The following CCDC150 variants were observed in gnomAD, a reference collection of about 807,000 sequenced individuals.
The protein encoded by CCDC150 is coiled-coil domain containing 150.
CCDC150 carries 151 observed loss-of-function variants against 156.5 expected under a neutral mutation model. The ratio of observed to expected loss-of-function variants is 0.97; its 90% CI spans 0.85 to 1.10. CCDC150 has a LOEUF of 1.10. Among genes scored for constraint, CCDC150 ranks in the 50% least tolerant of loss-of-function variants. CCDC150 has a pLI of 0.00. For synonymous variants in CCDC150, 452 were observed against 429.4 expected (o/e 1.05, Z -0.65); for missense variants, 1,312 against 1,268.1 (o/e 1.03, Z -0.53).
intron 26 of CCDC150, 103 bp downstream of exon 26, chr2:196,731,048 G>A (rs767412545): frequency 2.9e-5 from 22 of 754,804 alleles, no homozygotes; most frequent in Non-Finnish European, 4.3e-5. Context: ...GTAGTTGTCA[G>A]GAATGCAACA....
chr2:196,650,354 G>A (rs1423132941), intron 2 of CCDC150, among the ~76,000 whole-genome samples: 1 of 152,142 alleles, frequency 6.6e-6, no homozygotes, highest in Non-Finnish European at 1.5e-5. Context: ...CTTGATCATG[G>A]TGAATGATCC....
chr2:196,701,253 A>AT (rs1696185515), intron 15 of CCDC150, 73 bp downstream of exon 15: 2 of 1,002,874 alleles, frequency 2.0e-6, no homozygotes, highest in Non-Finnish European at 3.0e-6. Flanking sequence ...ATATTGCTAG[A>AT]TTTTGAGAAT....
intron 13 of CCDC150, among the ~76,000 whole-genome samples, chr2:196,691,083 A>AT (rs556323553): frequency 0.025 from 3,739 of 152,028 alleles, 129 homozygotes; most frequent in African/African-American, 0.084. Context: ...AAGCTTTTCG[A>AT]TATGCTGCTG....
At chr2:196,659,423 TGTTA>T (rs1160935046) in intron 5 of CCDC150, among the ~76,000 whole-genome samples, 8 of 152,184 alleles carry the variant, frequency 5.3e-5, no homozygotes, top group African/African-American at 1.4e-4. Context: ...TAATAATTGA[TGTTA>T]GTTCAAATCT....
chr2:196,676,701 G>T lies in CCDC150; in HGVS notation c.1410G>T (p.Leu470=), dbSNP rs917992463. The change falls in exon 12 of 28, where the codon CTG becomes CTT. Residue 470 remains leucine, a synonymous_variant. Coordinates refer to ENST00000389175, the MANE Select transcript of CCDC150 (RefSeq NM_001080539.2). ...CATCAATGCAAGAGAAGAAGTCTCTGCTAGAGGAGAAAGAAAGATTTCAGA... is the reference window on the plus strand; with the variant it reads ...CATCAATGCAAGAGAAGAAGTCTCTTCTAGAGGAGAAAGAAAGATTTCAGA... The part of the protein sequence containing the change: ...LEASMQEKKS[L]LEEKERFQRE... 1.2e-6 allele frequency: 2 copies of T among 1,613,330 alleles called. No individual in the cohort carries two copies. Among genetic ancestry groups the T allele is most frequent in the Non-Finnish European group, 1.7e-6 (2 of 1,179,598 alleles).
rs190114079 is a variant in CCDC150 at position 196,731,997 on chromosome 2, C to G, written c.3070-36C>G. 292 of 1,592,624 alleles carry G rather than the reference C, an allele frequency of 1.8e-4. No homozygotes were observed. In the African/African-American group the frequency reaches 3.6e-3, roughly 20 times the overall value. On this transcript the variant is annotated intron_variant, in intron 26 of 27. Coordinates refer to ENST00000389175, the MANE Select transcript of CCDC150 (RefSeq NM_001080539.2). Reference sequence around the variant, plus strand: ...TACACAAAAAAACTTGTAACTCTTTCTTTGTGTCTTTTAATGGTGATATTT... The same window carrying G: ...TACACAAAAAAACTTGTAACTCTTTGTTTGTGTCTTTTAATGGTGATATTT...
chr2:196,664,184 C>T (rs1693712550), intron 5 of CCDC150, among the ~76,000 whole-genome samples: 1 of 152,132 alleles, frequency 6.6e-6, no homozygotes, highest in Admixed American at 6.5e-5. Context: ...CTTCAGTGGA[C>T]ACCAGTTGAG....
At chr2:196,646,655 A>G (rs1559211315) in intron 2 of CCDC150, among the ~76,000 whole-genome samples, 151 bp downstream of exon 2, 1 of 152,244 alleles carries the variant, frequency 6.6e-6, no homozygotes, top group Non-Finnish European at 1.5e-5. Context: ...TTGCAAAATG[A>G]AGAGTTGTCG....
intron 3 of CCDC150, 47 bp downstream of exon 3, chr2:196,656,900 G>T: frequency 6.2e-7 from 1 of 1,610,654 alleles, no homozygotes; most frequent in South Asian, 1.1e-5. Context: ...ATAGGTGCTT[G>T]ATTTTCTTTA....
chr2:196,690,528 G>A (rs949513328), intron 13 of CCDC150, among the ~76,000 whole-genome samples: 3 of 151,528 alleles, frequency 2.0e-5, no homozygotes, highest in Non-Finnish European at 4.4e-5. Flanking sequence ...TTCATGGAAA[G>A]CTAAGACCTG....
chr2:196,695,009 C>T (rs367791265), intron 13 of CCDC150, 37 bp from the exon 14 acceptor site: 84 of 1,053,456 alleles, frequency 8.0e-5, no homozygotes, highest in East Asian at 3.4e-4. Context: ...TTGCATCTGG[C>T]GTAAATAGTT....
chr2:196,641,284 G>C (rs1692218589), intron 1 of CCDC150, among the ~76,000 whole-genome samples: 1 of 151,978 alleles, frequency 6.6e-6, no homozygotes, highest in African/African-American at 2.4e-5. Flanking sequence ...GCCGTATTCT[G>C]GTTTTATTAT....
chr2:196,663,027 C>T (rs1248160810), intron 5 of CCDC150, among the ~76,000 whole-genome samples: 1 of 152,012 alleles, frequency 6.6e-6, no homozygotes, highest in East Asian at 1.9e-4. Context: ...TGCCTGAGCC[C>T]AGGAGTTTGA....
chr2:196,732,415 G>A (rs1698572237), intron 27 of CCDC150, 31 bp from the exon 28 acceptor site: 3 of 1,496,122 alleles, frequency 2.0e-6, no homozygotes, highest in Non-Finnish European at 2.8e-6. Flanking sequence ...GCTCTGAACA[G>A]TCAGTGTTAG....
At chr2:196,667,997 T>A (rs1693951837) in intron 7 of CCDC150, 1 of 152,144 alleles carries the variant, frequency 6.6e-6, no homozygotes, top group African/African-American at 2.4e-5. Flanking sequence ...AATACACACA[T>A]TCTATAGAAG....
intron 2 of CCDC150, among the ~76,000 whole-genome samples, chr2:196,653,422 A>C (rs1692994867): frequency 6.6e-6 from 1 of 152,204 alleles, no homozygotes. Context: ...CATCACTCTT[A>C]AATCCAGATT....
chr2:196,701,232 T>C lies in CCDC150; in HGVS notation c.1695+52T>C, dbSNP rs558268383. 17 of 1,204,662 alleles carry C rather than the reference T, an allele frequency of 1.4e-5. No individual in the cohort carries two copies. The East Asian group carries it at 4.3e-4, about 30-fold the overall frequency. The allele number at this position is 1,204,662 out of a possible 1,614,324, so 74.6% of individuals were successfully genotyped here. Reference sequence around the variant, plus strand: ...TTGTTTGAATTTTAAAAATACCAATTATCAAATTAAATATTGCTAGATTTT... The same window carrying C: ...TTGTTTGAATTTTAAAAATACCAATCATCAAATTAAATATTGCTAGATTTT... On this transcript the variant is annotated intron_variant, in intron 15 of 27. Coordinates refer to ENST00000389175, the MANE Select transcript of CCDC150 (RefSeq NM_001080539.2).
intron 15 of CCDC150, 147 bp downstream of exon 15, chr2:196,701,327 A>C: frequency 1.6e-6 from 1 of 627,328 alleles, no homozygotes; most frequent in Middle Eastern, 3.8e-4. Context: ...GGCCTCATTA[A>C]TAGCCAGGTG....
intron 14 of CCDC150, 143 bp from the exon 15 acceptor site, chr2:196,700,966 G>A (rs1696165258): frequency 1.6e-6 from 1 of 607,656 alleles, no homozygotes; most frequent in Non-Finnish European, 2.9e-6. Context: ...TGTAGGAAAA[G>A]ACTAAAAGCA....
Sources: allele counts gnomAD v4.1 joint callset (sites outside exome capture counted in the v4.1 genomes callset), GRCh38; gene constraint gnomAD v4.1.1; transcripts MANE v1.5; gene names NCBI Gene and HGNC (gene_info 2026-07-23, HGNC 2026-07-21).